The following IL16 variants were observed in gnomAD, a reference collection of about 807,000 sequenced individuals.
The protein encoded by IL16 is interleukin 16.
Under a neutral mutation model 110.1 loss-of-function variants are expected in IL16, and 67 were observed. The observed-to-expected ratio is 0.61, with a 90% CI of 0.50 to 0.75. The LOEUF is 0.75. Among genes scored for constraint, IL16 ranks in the 30% least tolerant of loss-of-function variants. The pLI, the probability that IL16 is intolerant of heterozygous loss-of-function variation, is 0.00. For missense variants in IL16, 1,545 were observed against 1,655.0 expected, an observed-to-expected ratio of 0.93 and a Z score of 1.15; for synonymous variants, 689 against 662.9, an observed-to-expected ratio of 1.04 and a Z score of -0.61.
chr15:81,282,501 A>G (rs1899225283), intron 8 of IL16, 138 bp from the exon 9 acceptor site: 1 of 701,504 alleles, frequency 1.4e-6, no homozygotes, highest in Non-Finnish European at 2.6e-6. Context: ...GTGCCTGCAC[A>G]CAACGACTAC....
chr15:81,258,837 TAGTG>T (rs142577096), intron 2 of IL16, among the ~76,000 whole-genome samples: 2 of 152,122 alleles, frequency 1.3e-5, no homozygotes, highest in African/African-American at 2.4e-5. Context: ...AGGATTATGG[TAGTG>T]AGTAATAAAA....
At chr15:81,300,879 C>T (rs1900250402) in intron 14 of IL16, among the ~76,000 whole-genome samples, 1 of 152,192 alleles carries the variant, frequency 6.6e-6, no homozygotes, top group Non-Finnish European at 1.5e-5. Flanking sequence ...TTCTTACTCT[C>T]CAAATGGAAT....
At chr15:81,288,936 A>G (rs1477826915) in intron 10 of IL16, among the ~76,000 whole-genome samples, 1 of 152,080 alleles carries the variant, frequency 6.6e-6, no homozygotes, top group Non-Finnish European at 1.5e-5. Context: ...TAATGCTACA[A>G]TGAACGTGGA....
chr15:81,241,104 C>A (rs61637497), intron 2 of IL16, among the ~76,000 whole-genome samples: 22,511 of 152,008 alleles, frequency 0.15, 1,969 homozygotes, highest in Middle Eastern at 0.21. Flanking sequence ...ATTCAGGTTT[C>A]CTCTTATGAA....
chr15:81,199,019 C>CA (rs71451567), intron 1 of IL16, among the ~76,000 whole-genome samples: 1,068 of 79,142 alleles, frequency 0.013, 7 homozygotes, highest in East Asian at 0.028. Flanking sequence ...GACTCCATCT[C>CA]AAAAAAAAAA....
chr15:81,273,350 A>C, intron 6 of IL16, 146 bp downstream of exon 6: 1 of 563,398 alleles, frequency 1.8e-6, no homozygotes. Context: ...TCTGCAAGCA[A>C]TGGGGACACA....
chr15:81,193,207 G>A (rs1426760469), upstream of IL16, among the ~76,000 whole-genome samples: 1 of 152,172 alleles, frequency 6.6e-6, no homozygotes, highest in Non-Finnish European at 1.5e-5. Context: ...TTGGGAAATT[G>A]ATGGATGCTA....
intron 13 of IL16, 167 bp from the exon 14 acceptor site, chr15:81,299,213 G>T: frequency 9.5e-7 from 1 of 1,053,812 alleles, no homozygotes; most frequent in Non-Finnish European, 1.5e-6. Context: ...CCTGTTGGCA[G>T]CTCAGTCAGG....
At chr15:81,216,754 G>T (rs555806550) in intron 1 of IL16, among the ~76,000 whole-genome samples, 9 of 152,228 alleles carry the variant, frequency 5.9e-5, no homozygotes, top group African/African-American at 2.2e-4. Flanking sequence ...AAAGCTGTTA[G>T]CATCCCTGGC....
intron 1 of IL16, among the ~76,000 whole-genome samples, chr15:81,188,004 T>C (rs1195624240): frequency 6.6e-6 from 1 of 152,030 alleles, no homozygotes; most frequent in Non-Finnish European, 1.5e-5. Context: ...AGGGGCCCCA[T>C]GGGTGGTGAG....
chr15:81,193,800 G>A (rs1480892245), upstream of IL16, among the ~76,000 whole-genome samples: 4 of 152,160 alleles, frequency 2.6e-5, no homozygotes, highest in African/African-American at 7.2e-5. Flanking sequence ...AAGTGGGGAC[G>A]TACAATAAAA....
chr15:81,226,459 C>G (rs150316688), intron 2 of IL16, among the ~76,000 whole-genome samples: 10 of 152,300 alleles, frequency 6.6e-5, no homozygotes, highest in African/African-American at 2.4e-4. Context: ...GGCCCTAAAC[C>G]ATGGGATCAG....
At chr15:81,280,593 T>C (rs1017794364) in intron 8 of IL16, among the ~76,000 whole-genome samples, 1 of 152,150 alleles carries the variant, frequency 6.6e-6, no homozygotes, top group East Asian at 1.9e-4. Context: ...TTGCAGCCAT[T>C]TGGGTCAGGG....
intron 1 of IL16, among the ~76,000 whole-genome samples, chr15:81,204,981 C>T (rs371403130): frequency 5.3e-5 from 8 of 152,012 alleles, no homozygotes; most frequent in Non-Finnish European, 8.8e-5. Context: ...GTCTCAGTGA[C>T]GGTTGTTAAT....
chr15:81,305,362 G>C (rs1279593213), intron 16 of IL16, among the ~76,000 whole-genome samples: 2 of 152,018 alleles, frequency 1.3e-5, no homozygotes, highest in African/African-American at 2.4e-5. Context: ...AAGTTTCTTT[G>C]ATTTTAAAAA....
chr15:81,214,695 G>T (rs187224824), intron 1 of IL16, among the ~76,000 whole-genome samples: 207 of 152,082 alleles, frequency 1.4e-3, no homozygotes, highest in African/African-American at 5.0e-3. Flanking sequence ...AATTTTTGGG[G>T]ACTATATCCT....
chr15:81,257,002 G>T (rs1897971816), intron 2 of IL16, among the ~76,000 whole-genome samples: 1 of 152,190 alleles, frequency 6.6e-6, no homozygotes, highest in Non-Finnish European at 1.5e-5. Context: ...GTTTTATGAA[G>T]CATTGAATTC....
rs1009292228 is a variant in IL16, at chr15:81,245,724, C to CTTTTTTTTTTTTTTTTTT, written c.313-14041_313-14024dup. 1.5e-4 allele frequency among the ~76,000 whole-genome samples: 9 copies of CTTTTTTTTTTTTTTTTTT among 61,280 alleles called. 1 individual carries two copies. The highest frequency in any genetic ancestry group is 2.7e-4 in the African/African-American group (4 of 14,670). The allele number at this position is 61,280 out of a possible 152,430, so 40.2% of individuals were successfully genotyped here. A position where few individuals can be genotyped will look rare whatever the true frequency, so the allele number is the denominator to read the frequency against. On this transcript the variant is annotated intron_variant, in intron 2 of 18. Transcript: ENST00000683961. The stretch of plus-strand genomic sequence containing the variant: ...TAGAGAGATCAGACTTTTGTTTTGG[C>CTTTTTTTTTTTTTTTTTT]TTTTTTTTTTTTTTTTTTTTTTTTG...
At position 81,212,614 on chromosome 15, in the gene IL16, G is replaced by T. The variant is rs190340237; in HGVS notation, c.-101-12685G>T. Among the ~76,000 whole-genome samples the T allele has an allele frequency of 2.1e-3, 318 of 152,128 alleles. 2 individuals carry two copies. The highest frequency in any genetic ancestry group is 7.4e-3 in the African/African-American group (309 of 41,514). ...AGCCTCCCAAGTAACTGGGATTACA[G>T]GCTCCCTCCACCGCACCCAGCTAAG... On this transcript the variant is annotated intron_variant, in intron 1 of 18. Transcript: ENST00000683961.
Sources: allele counts gnomAD v4.1 joint callset (sites outside exome capture counted in the v4.1 genomes callset), GRCh38; gene constraint gnomAD v4.1.1; transcripts MANE v1.5; gene names NCBI Gene and HGNC (gene_info 2026-07-23, HGNC 2026-07-21).